The following SELP variants were observed in gnomAD, a reference collection of about 807,000 sequenced individuals.
SELP encodes P-selectin.
Under a neutral mutation model 104.1 loss-of-function variants are expected in SELP, and 92 were observed. The ratio of observed to expected loss-of-function variants is 0.88; its 90% CI spans 0.75 to 1.05. SELP has a LOEUF of 1.05. Among genes scored for constraint, SELP ranks in the 50% least tolerant of loss-of-function variants. The probability of loss-of-function intolerance (pLI) is 0.00; values close to 1 mark genes in which losing one functional copy is unlikely to be tolerated. For synonymous variants in SELP, 397 were observed against 364.5 expected (o/e 1.09, Z -1.01); for missense variants, 1,022 against 1,017.3 (o/e 1.00, Z -0.06).
chr1:169,591,413 A>G lies in SELP; in HGVS notation c.2438+13T>C. The G allele has an allele frequency of 6.4e-7, 1 of 1,573,486 alleles. No homozygotes were observed. Among genetic ancestry groups the G allele is most frequent in the Non-Finnish European group, 8.7e-7 (1 of 1,155,508 alleles). On this transcript the variant is annotated intron_variant, in intron 15 of 16. Transcript: ENST00000263686. ...AGCAAAATTTACTCAATCATAAAAC[A>G]TTTCTACCTTACCTGTGAGGATTCA...
chr1:169,590,757 TA>T (rs1170383051), intron 15 of SELP, among the ~76,000 whole-genome samples: 4 of 152,018 alleles, frequency 2.6e-5, no homozygotes, highest in Non-Finnish European at 5.9e-5. Flanking sequence ...ATTACAAAAA[TA>T]AAAAAATACC....
At chr1:169,616,519 G>A (rs978397442) in intron 3 of SELP, among the ~76,000 whole-genome samples, 1 of 152,156 alleles carries the variant, frequency 6.6e-6, no homozygotes, top group Non-Finnish European at 1.5e-5. Context: ...AATATTAAAT[G>A]AGCAAATGAC....
intron 11 of SELP, 65 bp from the exon 12 acceptor site, chr1:169,596,199 G>T: frequency 7.0e-7 from 1 of 1,438,610 alleles, no homozygotes; most frequent in Non-Finnish European, 9.7e-7. Flanking sequence ...CAGAGTTAAG[G>T]CTAATCTGGA....
At chr1:169,628,324 T>C (rs1663478396) in intron 1 of SELP, among the ~76,000 whole-genome samples, 1 of 152,208 alleles carries the variant, frequency 6.6e-6, no homozygotes, top group South Asian at 2.1e-4. Context: ...TTTTCTCAGG[T>C]CCTAAAAGTT....
At chr1:169,608,100 C>T (rs1662292479) in intron 8 of SELP, among the ~76,000 whole-genome samples, 1 of 151,542 alleles carries the variant, frequency 6.6e-6, no homozygotes, top group African/African-American at 2.4e-5. Context: ...GACTAAGTGT[C>T]AGCATCATGG....
chr1:169,629,402 T>C (rs1318286510), intron 1 of SELP, among the ~76,000 whole-genome samples: 1 of 152,268 alleles, frequency 6.6e-6, no homozygotes, highest in Non-Finnish European at 1.5e-5. Context: ...CAGATCTGGA[T>C]GCTTTTCAGC....
chr1:169,617,287 A>G lies in SELP; in HGVS notation c.222T>C (p.Asn74=), dbSNP rs1391605160. 14 of 1,614,058 alleles carry G rather than the reference A, an allele frequency of 8.7e-6. No homozygotes were observed. Among genetic ancestry groups the G allele is most frequent in the Non-Finnish European group, 1.2e-5 (14 of 1,180,002 alleles). The change falls in exon 3 of 17, where the codon AAT becomes AAC. Residue 74 remains asparagine (N), a synonymous_variant. Transcript: ENST00000263686. The stretch of plus-strand genomic sequence containing the variant: ...GGACCTTATTGAGGTAATCAATTTC[A>G]TTTTTATTCTGGATGGCCACTAAGT... ...YTDLVAIQNK[N]EIDYLNKVLP...
intron 8 of SELP, among the ~76,000 whole-genome samples, chr1:169,607,820 A>G (rs1338083936): frequency 6.6e-6 from 1 of 152,170 alleles, no homozygotes; most frequent in Admixed American, 6.5e-5. Context: ...AGTGGTAGTA[A>G]TAGATAGTAA....
Position 169,612,337 on chromosome 1 carries a change from C to A in SELP, c.841G>T (p.Ala281Ser), listed in dbSNP as rs1662583405. Residue 281 changes from alanine to serine, a missense_variant, in exon 6 of 17, where the codon GCA becomes TCA. Transcript: ENST00000263686. ...GNMTCLHSAK[A>S]FQHQSSCSFS... is the part of the protein sequence containing the mutation. ...CTGCAGCTAGACTGATGCTGGAATGCTTTTGCAGAATGAAGGCAGGTCATG... is the reference window on the plus strand; with the variant it reads ...CTGCAGCTAGACTGATGCTGGAATGATTTTGCAGAATGAAGGCAGGTCATG... 6.2e-7 allele frequency: 1 copy of A among 1,614,132 alleles called. No individual in the cohort carries two copies. Among genetic ancestry groups the A allele is most frequent in the Non-Finnish European group, 8.5e-7 (1 of 1,180,016 alleles).
intron 11 of SELP, 47 bp downstream of exon 11, chr1:169,596,944 A>G (rs1284448783): frequency 2.7e-6 from 4 of 1,504,168 alleles, no homozygotes; most frequent in African/African-American, 1.4e-5. Flanking sequence ...GTTGTTGTAG[A>G]ATAAATTTCC....
chr1:169,609,554 A>G lies in SELP; in HGVS notation c.1283T>C (p.Val428Ala), dbSNP rs1327219107. ...EGFMLRGADI[V>A]RCDNLGQWTA... ...CCACTGTCCCAAGTTATCACACCGA[A>G]CTATATCGGCTCCTCTCAGCATGAA... Residue 428 changes from valine to alanine, a missense_variant, in exon 8 of 17, where the codon GTT becomes GCT. By Grantham distance (64) the Val-to-Ala change is moderately conservative. Transcript: ENST00000263686. 3.1e-6 allele frequency: 5 copies of G among 1,613,920 alleles called. No homozygotes were observed. In the African/African-American group the frequency reaches 4.0e-5, roughly 13 times the overall value.
chr1:169,606,860 A>T lies in SELP; in HGVS notation c.1519+89T>A. The T allele has an allele frequency of 2.5e-6, 3 of 1,181,994 alleles. No individual in the cohort carries two copies. In the Admixed American group the frequency reaches 6.4e-5, roughly 25 times the overall value. The allele number at this position is 1,181,994 out of a possible 1,614,324, so 73.2% of individuals were successfully genotyped here. On this transcript the variant is annotated intron_variant, in intron 9 of 16. Coordinates refer to ENST00000263686, the MANE Select transcript of SELP (RefSeq NM_003005.4). ...AATTTTCCAGTCCATTTCAAGGTGG[A>T]TCTTACATAGTTGTCACCTCTAAAA...
intron 1 of SELP, among the ~76,000 whole-genome samples, chr1:169,621,789 A>G (rs1211604954): frequency 6.6e-6 from 1 of 152,136 alleles, no homozygotes; most frequent in Non-Finnish European, 1.5e-5. Flanking sequence ...TAACGTTATG[A>G]TTTACAGCTG....
At position 169,596,014 on chromosome 1, in the gene SELP, C is replaced by A; in HGVS notation, c.2012G>T (p.Gly671Val). The change falls in exon 12 of 17, where the codon GGC becomes GTC. Residue 671 changes from glycine (G) to valine (V), a missense_variant. Gly to Val is a moderately radical substitution (Grantham distance 109). Transcript: ENST00000263686. ...TATGAGTGTGAATCCAGCGTTGCAG[C>A]CAAAGTAACAAGTGGTATTAAAACC... Reference protein sequence around the residue: ...TFGFNTTCYFGCNAGFTLIGD... With the variant: ...TFGFNTTCYFVCNAGFTLIGD... 1 of 1,613,918 alleles carries A rather than the reference C, an allele frequency of 6.2e-7. No homozygotes were observed. Among genetic ancestry groups the A allele is most frequent in the Non-Finnish European group, 8.5e-7 (1 of 1,179,848 alleles).
chr1:169,592,574 C>T (rs531510596), intron 14 of SELP, among the ~76,000 whole-genome samples: 14 of 152,300 alleles, frequency 9.2e-5, no homozygotes, highest in Admixed American at 2.6e-4. Context: ...GGCTAAGTGT[C>T]TGGAGAAGAT....
At chr1:169,605,476 GGT>G (rs71299481) in intron 9 of SELP, among the ~76,000 whole-genome samples, 46 of 130,488 alleles carry the variant, frequency 3.5e-4, no homozygotes, top group African/African-American at 1.1e-3. Context: ...TTAACAATGG[GGT>G]GTGTGTGTGG....
In SELP at chr1:169,617,155, A is replaced by G; in HGVS notation, c.354T>C (p.Ala118=). ...TCCTTTTGTTGTTAGGTTCATTATC[A>G]GCCCAGTTCTCAGCCTCGTTGGTGA... ...KALTNEAENW[A]DNEPNNKRNN... is the part of the protein sequence containing the mutation. The change falls in exon 3 of 17, where the codon GCT becomes GCC. Residue 118 remains alanine (A), a synonymous_variant. Transcript: ENST00000263686. 1.2e-6 allele frequency: 2 copies of G among 1,614,054 alleles called. No individual in the cohort carries two copies. The highest frequency in any genetic ancestry group is 1.7e-6 in the Non-Finnish European group (2 of 1,180,010).
intron 1 of SELP, among the ~76,000 whole-genome samples, chr1:169,623,784 T>A (rs1663247128): frequency 6.6e-6 from 1 of 152,218 alleles, no homozygotes; most frequent in Admixed American, 6.5e-5. Flanking sequence ...TTAGCATTTA[T>A]CTGCTGTTCT....
intron 10 of SELP, among the ~76,000 whole-genome samples, chr1:169,602,595 A>G (rs1011483432): frequency 4.6e-5 from 7 of 152,166 alleles, no homozygotes; most frequent in African/African-American, 9.7e-5. Context: ...CTATAATGAC[A>G]TGAAAGCACT....
Sources: allele counts gnomAD v4.1 joint callset (sites outside exome capture counted in the v4.1 genomes callset), GRCh38; gene constraint gnomAD v4.1.1; transcripts MANE v1.5; gene names NCBI Gene and HGNC (gene_info 2026-07-23, HGNC 2026-07-21).